WNT7B: variants seen among roughly 807,000 people sequenced by gnomAD.
WNT7B encodes protein Wnt-7b.
In WNT7B, 19 loss-of-function variants were observed where a neutral mutation model predicts 38.2. The observed-to-expected ratio is 0.50, with a 90% CI of 0.35 to 0.73. The LOEUF is 0.73. WNT7B is among the 30% of genes least tolerant of loss of function. The pLI, the probability that WNT7B is intolerant of heterozygous loss-of-function variation, is 0.01. For missense variants in WNT7B, 423 were observed against 507.9 expected, an observed-to-expected ratio of 0.83 and a Z score of 1.61; for synonymous variants, 243 against 209.3, an observed-to-expected ratio of 1.16 and a Z score of -1.39.
At chr22:45,952,111 G>A (rs2146734838) in intron 1 of WNT7B, among the ~76,000 whole-genome samples, 1 of 152,328 alleles carries the variant, frequency 6.6e-6, no homozygotes, top group Middle Eastern at 3.4e-3. Context: ...TTAGTGAGGG[G>A]GCAAGATGTG....
intron 2 of WNT7B, among the ~76,000 whole-genome samples, chr22:45,943,034 C>CATGTGTATGTGTGT (rs796147152): frequency 2.0e-5 from 3 of 149,444 alleles, no homozygotes; most frequent in African/African-American, 7.3e-5. Flanking sequence ...TATGTGTGTG[C>CATGTGTATGTGTGT]GCGTGTGTGC....
chr22:45,970,190 C>G (rs1932402638), intron 1 of WNT7B, among the ~76,000 whole-genome samples: 1 of 152,362 alleles, frequency 6.6e-6, no homozygotes, highest in South Asian at 2.1e-4. Flanking sequence ...GTCTTCCTCC[C>G]TGTGGGGCAG....
intron 2 of WNT7B, among the ~76,000 whole-genome samples, chr22:45,934,486 C>T (rs955904848): frequency 6.6e-6 from 1 of 152,160 alleles, no homozygotes; most frequent in Non-Finnish European, 1.5e-5. Flanking sequence ...TGTGCGGGCC[C>T]AGCCGGTGGA....
At chr22:45,943,739 T>C (rs568138142) in intron 2 of WNT7B, among the ~76,000 whole-genome samples, 36 of 152,214 alleles carry the variant, frequency 2.4e-4, no homozygotes, top group African/African-American at 7.7e-4. Context: ...ATCTGTGATG[T>C]GTAGACAACA....
At chr22:45,971,215 C>A (rs1932429783) in intron 1 of WNT7B, among the ~76,000 whole-genome samples, 1 of 149,008 alleles carries the variant, frequency 6.7e-6, no homozygotes, top group Non-Finnish European at 1.5e-5. Flanking sequence ...GTCAGGCGAC[C>A]CCGGACGTGG....
chr22:45,929,341 C>T (rs1327367005), intron 3 of WNT7B, among the ~76,000 whole-genome samples: 2 of 151,646 alleles, frequency 1.3e-5, no homozygotes, highest in Non-Finnish European at 3.0e-5. Flanking sequence ...AAGCCTGTGT[C>T]ACTCATTCCT....
At chr22:45,949,050 C>T (rs535756451) in intron 2 of WNT7B, among the ~76,000 whole-genome samples, 1 of 151,922 alleles carries the variant, frequency 6.6e-6, no homozygotes, top group Non-Finnish European at 1.5e-5. Context: ...AGGATGGTCT[C>T]GATCTCTTGA....
chr22:45,928,496 C>T (rs111662509), intron 3 of WNT7B, among the ~76,000 whole-genome samples: 2,713 of 150,728 alleles, frequency 0.018, 75 homozygotes, highest in African/African-American at 0.065. Flanking sequence ...AGCCAGGGCC[C>T]CACCGGCCAT....
intron 1 of WNT7B, among the ~76,000 whole-genome samples, chr22:45,961,381 C>T (rs1410740474): frequency 1.3e-5 from 2 of 152,204 alleles, no homozygotes; most frequent in African/African-American, 4.8e-5. Context: ...GGGCCTTACA[C>T]CTGTGGGGGA....
At chr22:45,936,768 G>A (rs1201821628) in intron 2 of WNT7B, among the ~76,000 whole-genome samples, 3 of 152,226 alleles carry the variant, frequency 2.0e-5, no homozygotes, top group Non-Finnish European at 4.4e-5. Flanking sequence ...CTGACCATGA[G>A]GAGGATGGTG....
Position 45,952,806 on chromosome 22 carries a change from C to T in WNT7B, c.72-2660G>A, listed in dbSNP as rs572599053. Among the ~76,000 whole-genome samples the T allele has an allele frequency of 1.5e-4, 23 of 152,350 alleles. 1 individual carries two copies. The highest frequency in any genetic ancestry group is 1.2e-3 in the South Asian group (6 of 4,830). ...GTCCACCACCGGCCCTGCCAGCACCCGGATCTGACCAAGTCCGTCTGCTCA... is the reference window on the plus strand; with the variant it reads ...GTCCACCACCGGCCCTGCCAGCACCTGGATCTGACCAAGTCCGTCTGCTCA... On this transcript the variant is annotated intron_variant, in intron 1 of 3. Transcript: ENST00000339464.
chr22:45,923,655 C>A (rs773966100), intron 3 of WNT7B, among the ~76,000 whole-genome samples: 1 of 152,202 alleles, frequency 6.6e-6, no homozygotes. Flanking sequence ...CCTGGTCATG[C>A]ACTGGTGAGG....
intron 2 of WNT7B, among the ~76,000 whole-genome samples, chr22:45,935,585 A>G (rs575128402): frequency 3.0e-4 from 46 of 151,888 alleles, no homozygotes; most frequent in Middle Eastern, 3.4e-3. Context: ...TAGTGGGCAC[A>G]CCCTCCCCTG....
At chr22:45,936,956 A>C (rs1189801947) in intron 2 of WNT7B, among the ~76,000 whole-genome samples, 5 of 152,212 alleles carry the variant, frequency 3.3e-5, no homozygotes, top group African/African-American at 1.2e-4. Flanking sequence ...GCTCCCTGCC[A>C]CTTCCTAGCG....
At chr22:45,952,728 G>A (rs1282353512) in intron 1 of WNT7B, among the ~76,000 whole-genome samples, 1 of 152,322 alleles carries the variant, frequency 6.6e-6, no homozygotes, top group Non-Finnish European at 1.5e-5. Flanking sequence ...CCCTGGGGGT[G>A]GCAATGGATC....
intron 3 of WNT7B, among the ~76,000 whole-genome samples, chr22:45,929,695 C>G (rs77529711): frequency 7.1e-6 from 1 of 140,262 alleles, no homozygotes; most frequent in African/African-American, 2.8e-5. Context: ...CTTCCATCCA[C>G]CCATCTTTCC....
intron 2 of WNT7B, among the ~76,000 whole-genome samples, chr22:45,932,078 T>C (rs546018777): frequency 6.6e-6 from 1 of 152,000 alleles, no homozygotes; most frequent in Non-Finnish European, 1.5e-5. Context: ...TGGGCAGCAG[T>C]CCTCCCTGCT....
rs753490171 is a variant in WNT7B at position 45,923,023 on chromosome 22, T to G, written c.883A>C (p.Asn295His). ...CCGTCCGCGCCGGGCGACGTGCGGTTGCAGAGACGGCCCTGCGTGCCCACG... is the reference window on the plus strand; with the variant it reads ...CCGTCCGCGCCGGGCGACGTGCGGTGGCAGAGACGGCCCTGCGTGCCCACG... ...GSVGTQGRLC[N>H]RTSPGADGCD... The change falls in exon 4 of 4, where the codon AAC becomes CAC. Residue 295 changes from asparagine to histidine, a missense_variant. This residue lies in a region of WNT7B where 158 missense variants were observed against 214.7 expected (regional missense o/e 0.74). Transcript: ENST00000339464. The G allele has an allele frequency of 6.2e-7, 1 of 1,612,898 alleles. No individual in the cohort carries two copies. Among genetic ancestry groups the G allele is most frequent in the African/African-American group, 1.3e-5 (1 of 75,052 alleles).
chr22:45,952,256 G>T (rs969802452), intron 1 of WNT7B, among the ~76,000 whole-genome samples: 10 of 152,192 alleles, frequency 6.6e-5, no homozygotes, highest in Admixed American at 5.9e-4. Context: ...GATTTTCCAG[G>T]GCGGCCGAGC....
Sources: gnomAD v4.1 joint callset for allele counts (sites outside exome capture counted in the v4.1 genomes callset) on GRCh38, gnomAD v4.1.1 for gene constraint, gnomAD v4.1.1 regional missense constraint, MANE v1.5 for transcripts, NCBI Gene and HGNC (gene_info 2026-07-23, HGNC 2026-07-21) for gene names.